The following FNDC3B variants were observed in gnomAD, a reference collection of about 807,000 sequenced individuals.
FNDC3B encodes fibronectin type III domain containing 3B, also known as fibronectin type III domain-containing protein 3B.
FNDC3B carries 12 observed loss-of-function variants against 151.5 expected under a neutral mutation model. That is an observed-to-expected ratio of 0.08 (90% CI 0.05 to 0.13). FNDC3B has a LOEUF of 0.13. Among genes scored for constraint, FNDC3B ranks in the 10% least tolerant of loss-of-function variants. The pLI is 1.00. For missense variants in FNDC3B, 1,214 were observed against 1,505.3 expected, an observed-to-expected ratio of 0.81 and a Z score of 3.20; for synonymous variants, 528 against 549.0, an observed-to-expected ratio of 0.96 and a Z score of 0.54.
chr3:172,301,922 AAAGTGATGG>A (rs573931380), intron 9 of FNDC3B: 3 of 152,328 alleles, frequency 2.0e-5, no homozygotes, highest in African/African-American at 7.2e-5. Context: ...ACCAATTTAG[AAAGTGATGG>A]AAGTCTGTAG....
Position 172,244,617 on chromosome 3 carries a change from C to CTTTTTTT in FNDC3B, c.265-2897_265-2891dup, listed in dbSNP as rs11294678. 2.1e-3 allele frequency among the ~76,000 whole-genome samples: 151 copies of CTTTTTTT among 73,104 alleles called. 4 individuals are homozygous for CTTTTTTT. The highest frequency in any genetic ancestry group is 2.4e-3 in the Non-Finnish European group (103 of 43,248). 48.0% of individuals were successfully genotyped at this position (73,104 alleles called of 152,430 possible). ...TACTATTTCAGAATTAATATTTCAC[C>CTTTTTTT]TTTTTTTTTTTTTTTTTTTTTTTTT... On this transcript the variant is annotated intron_variant, in intron 4 of 25. Coordinates refer to ENST00000415807, the MANE Select transcript of FNDC3B (RefSeq NM_022763.4).
At chr3:172,209,615 T>A (rs2108708212) in intron 3 of FNDC3B, among the ~76,000 whole-genome samples, 1 of 152,288 alleles carries the variant, frequency 6.6e-6, no homozygotes, top group South Asian at 2.1e-4. Context: ...CACCATCCGA[T>A]TATCCGAAAG....
At chr3:172,297,621 C>A (rs1730686703) in intron 8 of FNDC3B, among the ~76,000 whole-genome samples, 2 of 152,136 alleles carry the variant, frequency 1.3e-5, no homozygotes, top group African/African-American at 4.8e-5. Context: ...ATTACAGGTG[C>A]CCGCCACCAC....
chr3:172,123,657 T>G (rs1265651719), intron 2 of FNDC3B, among the ~76,000 whole-genome samples: 4 of 152,184 alleles, frequency 2.6e-5, no homozygotes, highest in Non-Finnish European at 2.9e-5. Context: ...TTAATTTTTG[T>G]TTTATATTGC....
intron 1 of FNDC3B, among the ~76,000 whole-genome samples, chr3:172,108,066 G>T (rs1719749856): frequency 6.6e-6 from 1 of 152,018 alleles, no homozygotes; most frequent in Admixed American, 6.5e-5. Context: ...TACTCGGGAG[G>T]CTGAGGCAGG....
chr3:172,236,615 G>A (rs557602380), intron 4 of FNDC3B, among the ~76,000 whole-genome samples: 2 of 152,226 alleles, frequency 1.3e-5, no homozygotes, highest in African/African-American at 4.8e-5. Context: ...ATGAGGCCTC[G>A]TGGTTCTCTG....
chr3:172,165,722 A>G (rs1722972124), intron 3 of FNDC3B, among the ~76,000 whole-genome samples: 1 of 152,216 alleles, frequency 6.6e-6, no homozygotes, highest in Non-Finnish European at 1.5e-5. Flanking sequence ...ATCCCATTAT[A>G]TAAACCATCT....
At chr3:172,051,943 C>T (rs1410737048) in intron 1 of FNDC3B, among the ~76,000 whole-genome samples, 5 of 151,882 alleles carry the variant, frequency 3.3e-5, no homozygotes, top group Non-Finnish European at 7.4e-5. Flanking sequence ...AAATATGGGC[C>T]CTCAATTATG....
chr3:172,326,907 G>A (rs1232301447), intron 11 of FNDC3B, among the ~76,000 whole-genome samples: 1 of 152,112 alleles, frequency 6.6e-6, no homozygotes, highest in Non-Finnish European at 1.5e-5. Flanking sequence ...GAGCCAACAC[G>A]GGGTTTGGAA....
At chr3:172,212,319 C>T (rs1181959903) in intron 3 of FNDC3B, among the ~76,000 whole-genome samples, 1 of 152,188 alleles carries the variant, frequency 6.6e-6, no homozygotes, top group East Asian at 1.9e-4. Flanking sequence ...CTCAAGGTAA[C>T]TACAAATGAG....
At position 172,057,910 on chromosome 3, in the gene FNDC3B, GA is replaced by G. The variant is rs568169651; in HGVS notation, c.-29+18151del. Among the ~76,000 whole-genome samples, 866 of 140,322 alleles carry G rather than the reference GA, an allele frequency of 6.2e-3. 14 individuals carry two copies. Among genetic ancestry groups the G allele is most frequent in the South Asian group, 0.046 (207 of 4,480 alleles). 92.1% of individuals were successfully genotyped at this position (140,322 alleles called of 152,430 possible). On this transcript the variant is annotated intron_variant, in intron 1 of 25. Transcript: ENST00000415807. ...ATTTAATTTTCTAATTTGCAGGGAG[GA>G]AAAAAAAAAAAGCATACAGTGCTAC...
chr3:172,372,098 A>G (rs1343635313), intron 23 of FNDC3B, among the ~76,000 whole-genome samples: 1 of 152,224 alleles, frequency 6.6e-6, no homozygotes, highest in African/African-American at 2.4e-5. Context: ...TGGTTATAGA[A>G]CGCACCATTA....
rs1315303446 is a variant in FNDC3B, at chr3:172,397,681, AAAAG to A, written c.*210_*213del. On this transcript the variant is annotated 3_prime_UTR_variant, in exon 26 of 26. Coordinates refer to ENST00000415807, the MANE Select transcript of FNDC3B (RefSeq NM_022763.4). ...TTAAACTGGATTTTTTTTTTTAAAA[AAAAG>A]AAAAAAAAAGAAGAAAAGTATACCA... 1 of 242,800 alleles carries A rather than the reference AAAAG, an allele frequency of 4.1e-6. No homozygotes were observed. Among genetic ancestry groups the A allele is most frequent in the Non-Finnish European group, 6.6e-6 (1 of 151,618 alleles). The allele number at this position is 242,800 out of a possible 1,614,324, so 15.0% of individuals were successfully genotyped here. A position where few individuals can be genotyped will look rare whatever the true frequency, so the allele number is the denominator to read the frequency against.
intron 3 of FNDC3B, 135 bp downstream of exon 3, chr3:172,133,681 T>C (rs1317150085): frequency 5.3e-6 from 4 of 761,032 alleles, no homozygotes; most frequent in Non-Finnish European, 9.6e-6. Context: ...TCTTTTTTTT[T>C]CTGTCGCATG....
In FNDC3B at chr3:172,341,236, G is replaced by T. The variant is rs187161599; in HGVS notation, c.1971+5G>T. 6.2e-6 allele frequency: 10 copies of T among 1,605,762 alleles called. No homozygotes were observed. The highest frequency in any genetic ancestry group is 7.7e-6 in the Non-Finnish European group (9 of 1,172,376). Reference sequence around the variant, plus strand: ...AGTACCGGCGGACACAGCCAGGTTGGTTTTGTTTCCATATGAAAGTAAACC... The same window carrying T: ...AGTACCGGCGGACACAGCCAGGTTGTTTTTGTTTCCATATGAAAGTAAACC... On this transcript the variant is annotated splice_donor_5th_base_variant and intron_variant, in intron 17 of 25. Transcript: ENST00000415807.
intron 6 of FNDC3B, among the ~76,000 whole-genome samples, chr3:172,266,897 C>G (rs1402522399): frequency 6.6e-6 from 1 of 152,224 alleles, no homozygotes; most frequent in Non-Finnish European, 1.5e-5. Flanking sequence ...ACCACAGTCT[C>G]CTTCCAGCAT....
At chr3:172,077,850 A>T (rs1046154552) in intron 1 of FNDC3B, among the ~76,000 whole-genome samples, 5 of 152,254 alleles carry the variant, frequency 3.3e-5, no homozygotes, top group Non-Finnish European at 7.3e-5. Flanking sequence ...TTACAGCAGA[A>T]TGATGCCTCA....
intron 3 of FNDC3B, among the ~76,000 whole-genome samples, chr3:172,196,954 G>A (rs890178656): frequency 2.0e-5 from 3 of 152,060 alleles, no homozygotes; most frequent in African/African-American, 7.3e-5. Context: ...AGGCTGAGGC[G>A]GACGGATCAT....
chr3:172,121,644 T>C (rs969032136), intron 2 of FNDC3B, among the ~76,000 whole-genome samples: 1 of 152,224 alleles, frequency 6.6e-6, no homozygotes, highest in African/African-American at 2.4e-5. Context: ...AATTGAGTCT[T>C]TAAGTATTTA....
Sources: allele counts gnomAD v4.1 joint callset (sites outside exome capture counted in the v4.1 genomes callset), GRCh38; gene constraint gnomAD v4.1.1; transcripts MANE v1.5; gene names NCBI Gene and HGNC (gene_info 2026-07-23, HGNC 2026-07-21).